Variants in PCSK5 observed in about 807,000 individuals in gnomAD.
PCSK5 encodes prohormone convertase 5.
A neutral mutation model predicts 233.2 loss-of-function variants in PCSK5; 129 were observed. The ratio of observed to expected loss-of-function variants is 0.55; its 90% CI spans 0.48 to 0.64. The LOEUF (loss-of-function observed/expected upper bound fraction) is 0.64, where lower values mean the gene tolerates loss of function less well. Among genes scored for constraint, PCSK5 ranks in the 30% least tolerant of loss-of-function variants. The pLI is 0.00. For synonymous variants in PCSK5, 825 were observed against 879.2 expected (o/e 0.94, Z 1.09); for missense variants, 2,076 against 2,430.1 (o/e 0.85, Z 3.06).
chr9:75,915,200 G>C (rs777936759), intron 1 of PCSK5, among the ~76,000 whole-genome samples: 101 of 152,186 alleles, frequency 6.6e-4, no homozygotes, highest in Non-Finnish European at 1.3e-3. Flanking sequence ...TGACTGCAGT[G>C]CTCAGGGCTG....
At chr9:76,047,884 A>G (rs1321068382) in intron 5 of PCSK5, among the ~76,000 whole-genome samples, 2 of 152,200 alleles carry the variant, frequency 1.3e-5, no homozygotes, top group East Asian at 1.9e-4. Context: ...ACAAAAATGA[A>G]TCATGTTTAA....
chr9:76,027,907 T>C (rs925165214), intron 5 of PCSK5, among the ~76,000 whole-genome samples: 3 of 152,226 alleles, frequency 2.0e-5, no homozygotes, highest in Non-Finnish European at 4.4e-5. Context: ...GAGAACTGTT[T>C]AACCCATTTA....
At chr9:76,307,205 G>A (rs1425624214) in intron 28 of PCSK5, among the ~76,000 whole-genome samples, 3 of 152,208 alleles carry the variant, frequency 2.0e-5, no homozygotes, top group South Asian at 2.1e-4. Flanking sequence ...CCTACCCTTC[G>A]GCGGCATAGC....
At chr9:75,957,591 T>C (rs1040433153) in intron 2 of PCSK5, among the ~76,000 whole-genome samples, 1 of 152,168 alleles carries the variant, frequency 6.6e-6, no homozygotes, top group Non-Finnish European at 1.5e-5. Context: ...ATCCTGCCTC[T>C]CTGGAAGGCT....
intron 5 of PCSK5, among the ~76,000 whole-genome samples, chr9:76,053,824 A>T (rs1362201225): frequency 6.6e-6 from 1 of 152,206 alleles, no homozygotes. Flanking sequence ...TCTGCCTGTT[A>T]TACAGTTCCA....
chr9:76,317,854 T>C (rs778555520), intron 30 of PCSK5, among the ~76,000 whole-genome samples: 11 of 152,196 alleles, frequency 7.2e-5, no homozygotes, highest in Non-Finnish European at 1.3e-4. Flanking sequence ...TGTGAAGGCA[T>C]GGACCCAGTG....
chr9:75,941,676 A>G (rs1265425875), intron 2 of PCSK5, among the ~76,000 whole-genome samples: 2 of 152,168 alleles, frequency 1.3e-5, no homozygotes, highest in Non-Finnish European at 2.9e-5. Context: ...AAATCCCACT[A>G]GAATGCATAC....
intron 25 of PCSK5, among the ~76,000 whole-genome samples, chr9:76,294,621 C>T (rs535052137): frequency 4.3e-4 from 66 of 152,150 alleles, no homozygotes; most frequent in Admixed American, 8.5e-4. Flanking sequence ...GTTCCCTTAT[C>T]TAGAAATTAA....
chr9:76,118,198 CA>C (rs1288316330), intron 9 of PCSK5, among the ~76,000 whole-genome samples: 1 of 151,998 alleles, frequency 6.6e-6, no homozygotes, highest in Non-Finnish European at 1.5e-5. Context: ...GAAGGTTGCC[CA>C]GAAACCATCT....
At chr9:76,169,327 CTG>C (rs1296324267) in intron 12 of PCSK5, among the ~76,000 whole-genome samples, 1 of 152,120 alleles carries the variant, frequency 6.6e-6, no homozygotes, top group Non-Finnish European at 1.5e-5. Flanking sequence ...AACTGTCAAA[CTG>C]TTTTCCAGAG....
chr9:76,310,509 A>G (rs1451901492), intron 29 of PCSK5, 147 bp from the exon 30 acceptor site: 3 of 490,012 alleles, frequency 6.1e-6, no homozygotes, highest in East Asian at 6.5e-5. Context: ...CTCATCCTGG[A>G]GGACTTAGCA....
intron 1 of PCSK5, among the ~76,000 whole-genome samples, chr9:75,900,548 C>G (rs1476573292): frequency 6.6e-6 from 1 of 151,214 alleles, no homozygotes; most frequent in Non-Finnish European, 1.5e-5. Flanking sequence ...GTGTGGTGGT[C>G]TGTGCTTGTA....
intron 2 of PCSK5, among the ~76,000 whole-genome samples, chr9:75,965,733 C>G (rs1825556465): frequency 6.6e-6 from 1 of 152,180 alleles, no homozygotes; most frequent in African/African-American, 2.4e-5. Context: ...AATTATCATA[C>G]TGCCTATTGG....
intron 2 of PCSK5, among the ~76,000 whole-genome samples, chr9:75,942,765 G>C: frequency 6.6e-6 from 1 of 152,012 alleles, no homozygotes; most frequent in Non-Finnish European, 1.5e-5. Flanking sequence ...TAGGAAAAGA[G>C]TATGATGAGG....
In PCSK5 at chr9:76,110,374, T is replaced by G. The variant is rs143796884; in HGVS notation, c.1208+3023T>G. ...ATTGTTTCTCTGAATATCACCAGAT[T>G]ACTGTATTTACTCAGTCATAGGAAC... On this transcript the variant is annotated intron_variant, in intron 9 of 37. Coordinates refer to ENST00000674117, the MANE Select transcript of PCSK5 (RefSeq NM_001372043.1). 6.9e-3 allele frequency among the ~76,000 whole-genome samples: 1,051 copies of G among 152,356 alleles called. 13 individuals are homozygous for G. Among genetic ancestry groups the G allele is most frequent in the African/African-American group, 0.024 (990 of 41,570 alleles).
At chr9:76,069,039 C>T (rs1445677517) in intron 6 of PCSK5, among the ~76,000 whole-genome samples, 1 of 152,098 alleles carries the variant, frequency 6.6e-6, no homozygotes, top group East Asian at 1.9e-4. Context: ...TCTGAAACTA[C>T]CTTGAATATT....
At chr9:76,107,568 T>C (rs920897190) in intron 9 of PCSK5, among the ~76,000 whole-genome samples, 2 of 152,210 alleles carry the variant, frequency 1.3e-5, no homozygotes, top group Non-Finnish European at 2.9e-5. Flanking sequence ...AAAATCAAAC[T>C]GTGTAATTAC....
At chr9:76,355,176 T>C (rs1830266729) in intron 37 of PCSK5, among the ~76,000 whole-genome samples, 2 of 152,058 alleles carry the variant, frequency 1.3e-5, no homozygotes, top group Non-Finnish European at 2.9e-5. Context: ...TGATTCCTTC[T>C]AAAAAAAGAA....
At chr9:76,308,557 T>A in intron 28 of PCSK5, 88 bp from the exon 29 acceptor site, 1 of 756,658 alleles carries the variant, frequency 1.3e-6, no homozygotes, top group Non-Finnish European at 2.3e-6. Flanking sequence ...GAAAAGAGAC[T>A]AGGTAACCCA....
Sources: gnomAD v4.1 joint callset for allele counts (sites outside exome capture counted in the v4.1 genomes callset) on GRCh38, gnomAD v4.1.1 for gene constraint, MANE v1.5 for transcripts, NCBI Gene and HGNC (gene_info 2026-07-23, HGNC 2026-07-21) for gene names.